Variants in RBM24 observed in about 807,000 individuals in gnomAD.
RBM24 encodes RNA binding motif protein 24, also known as RNA-binding protein 24.
In RBM24, 5 loss-of-function variants were observed where a neutral mutation model predicts 23.6. The ratio of observed to expected loss-of-function variants is 0.21; its 90% confidence interval spans 0.11 to 0.45. The LOEUF (loss-of-function observed/expected upper bound fraction) is 0.45. Ranked by LOEUF, RBM24 falls within the 20% of genes least tolerant of loss-of-function variation. RBM24 has a pLI of 0.99. For synonymous variants in RBM24, 151 were observed against 129.5 expected (o/e 1.17, Z -1.13); for missense variants, 252 against 314.6 (o/e 0.80, Z 1.51).
At chr6:17,282,953 C>G (rs199630612) in intron 2 of RBM24, 25 bp downstream of exon 2, 52 of 1,554,346 alleles carry the variant, frequency 3.3e-5, no homozygotes, top group Non-Finnish European at 4.3e-5. Flanking sequence ...TCTCCCCTAC[C>G]CCCCTCTCCA....
In RBM24 at chr6:17,281,511, G is replaced by A. The variant is rs1760011615; in HGVS notation, c.-71G>A. On this transcript the variant is annotated 5_prime_UTR_variant, in exon 1 of 4. Transcript: ENST00000379052. This position sits in a 1 kb window ranked among gnomAD's most constrained non-coding sequence, Gnocchi z 7.1. ...GAAAGGGTGCGGGAGACGCGGAGCC[G>A]GAGGAGGAGGCGCAGCCGCTGCCCG... 10 of 1,374,246 alleles carry A rather than the reference G, an allele frequency of 7.3e-6. 1 individual carries two copies. The South Asian group carries it at 1.3e-4, about 18-fold the overall frequency. The allele number at this position is 1,374,246 out of a possible 1,614,324, so 85.1% of individuals were successfully genotyped here.
At chr6:17,284,517 AT>A (rs537418287) in intron 2 of RBM24, 139 bp from the exon 3 acceptor site, 88 of 533,034 alleles carry the variant, frequency 1.7e-4, no homozygotes, top group African/African-American at 1.6e-3. Flanking sequence ...ACTTTAAAAA[AT>A]ATACATACAT....
intron 1 of RBM24, chr6:17,282,319 C>G (rs1469273617): frequency 2.6e-6 from 3 of 1,163,572 alleles, no homozygotes; most frequent in South Asian, 2.5e-5. Context: ...ATTCAGCTGC[C>G]GAAGAGCAGG....
intron 3 of RBM24, chr6:17,288,241 C>T (rs1760254172): frequency 1.0e-6 from 1 of 985,270 alleles, no homozygotes; most frequent in South Asian, 4.7e-5. Context: ...AGACAAAACT[C>T]TATTCTCTCA....
intron 3 of RBM24, chr6:17,288,993 G>A (rs1363694970): frequency 2.0e-6 from 2 of 985,312 alleles, no homozygotes; most frequent in Non-Finnish European, 2.4e-6. Context: ...AACCAGTTAG[G>A]ATGTTGCTTT....
chr6:17,292,007 C>T lies in RBM24; in HGVS notation c.599C>T (p.Pro200Leu). 2 of 1,605,794 alleles carry T rather than the reference C, an allele frequency of 1.2e-6. No individual in the cohort carries two copies. The highest frequency in any genetic ancestry group is 1.7e-6 in the Non-Finnish European group (2 of 1,179,050). The change falls in exon 4 of 4, where the codon CCA becomes CTA. Residue 200 changes from proline to leucine, a missense_variant. Physicochemically the swap from Pro to Leu is moderately conservative, Grantham distance 98. Coordinates refer to ENST00000379052, the MANE Select transcript of RBM24 (RefSeq NM_001143942.2). Reference sequence around the variant, plus strand: ...GGCTATGGCTACGCAGTCCAGCAGCCAATCACCGCAGCGGCACCTGGGACA... The same window carrying T: ...GGCTATGGCTACGCAGTCCAGCAGCTAATCACCGCAGCGGCACCTGGGACA... Reference protein sequence around the residue: ...AGGYGYAVQQPITAAAPGTAA... With the variant: ...AGGYGYAVQQLITAAAPGTAA...
intron 3 of RBM24, chr6:17,290,741 C>A: frequency 1.4e-6 from 1 of 716,870 alleles, no homozygotes; most frequent in South Asian, 1.6e-5. Flanking sequence ...GTTATGTAAA[C>A]CTTTTAAATT....
rs768843893 is a variant in RBM24, at chr6:17,291,909, C to T, written c.501C>T (p.Ala167=). The T allele has an allele frequency of 2.1e-5, 34 of 1,612,096 alleles. No homozygotes were observed. The East Asian group carries it at 6.2e-4, about 30-fold the overall frequency. ...YAQYSAAAAA[A]AAAAAYDQYP... ...AATACTCAGCAGCTGCTGCTGCTGC[C>T]GCCGCCGCTGCTGCCTATGACCAGT... is the stretch of plus-strand genomic sequence containing the variant. Residue 167 remains alanine (A), a synonymous_variant, in exon 4 of 4, where the codon GCC becomes GCT. Transcript: ENST00000379052.
At chr6:17,287,784 G>C (rs1351182098) in intron 3 of RBM24, among the ~76,000 whole-genome samples, 1 of 151,918 alleles carries the variant, frequency 6.6e-6, no homozygotes, top group Non-Finnish European at 1.5e-5. Flanking sequence ...ACTCCAGCCT[G>C]GGCGACAGAG....
At chr6:17,290,903 A>T (rs949638340) in intron 3 of RBM24, 6 of 1,287,012 alleles carry the variant, frequency 4.7e-6, no homozygotes, top group African/African-American at 1.5e-5. Flanking sequence ...GGTTTGGTTG[A>T]CCGTTGTGTC....
chr6:17,287,648 A>C (rs1216394553), intron 3 of RBM24, among the ~76,000 whole-genome samples: 1 of 152,026 alleles, frequency 6.6e-6, no homozygotes, highest in Non-Finnish European at 1.5e-5. Context: ...ATCTCTAATA[A>C]AAATACAAAA....
At position 17,292,143 on chromosome 6, in the gene RBM24, A is replaced by G. The variant is rs1220318683; in HGVS notation, c.*24A>G. 9 of 1,469,508 alleles carry G rather than the reference A, an allele frequency of 6.1e-6. No homozygotes were observed. The highest frequency in any genetic ancestry group is 8.1e-6 in the Non-Finnish European group (9 of 1,112,426). 91.0% of individuals were successfully genotyped at this position (1,469,508 alleles called of 1,614,324 possible). On this transcript the variant is annotated 3_prime_UTR_variant, in exon 4 of 4. Coordinates refer to ENST00000379052, the MANE Select transcript of RBM24 (RefSeq NM_001143942.2). Reference sequence around the variant, plus strand: ...AGACCAGCCATCTGATCAAAGTTGAATTGTTTTCTCTTTCCCTCCCAATTT... The same window carrying G: ...AGACCAGCCATCTGATCAAAGTTGAGTTGTTTTCTCTTTCCCTCCCAATTT...
In RBM24 at chr6:17,281,477, G is replaced by A; in HGVS notation, c.-105G>A. ...GCCCCCGGGCTCGCCCTTGGCCCCC[G>A]GCGGCCGCGAAAGGGTGCGGGAGAC... On this transcript the variant is annotated 5_prime_UTR_variant, in exon 1 of 4. Transcript: ENST00000379052. The surrounding 1 kb of genome is among the most constrained non-coding windows in gnomAD (Gnocchi z 7.1). The A allele has an allele frequency of 1.9e-6, 2 of 1,067,022 alleles. No individual in the cohort carries two copies. Among genetic ancestry groups the A allele is most frequent in the East Asian group, 4.9e-5 (1 of 20,278 alleles). 66.1% of individuals were successfully genotyped at this position (1,067,022 alleles called of 1,614,324 possible).
At chr6:17,288,965 A>AT (rs1760275984) in intron 3 of RBM24, 1 of 985,332 alleles carries the variant, frequency 1.0e-6, no homozygotes, top group Admixed American at 6.1e-5. Flanking sequence ...AAAGAAACCG[A>AT]TTAGGATATT....
At position 17,284,646 on chromosome 6, in the gene RBM24, TTTG is replaced by T; in HGVS notation, c.293-5_293-3del. 1 of 1,608,848 alleles carries T rather than the reference TTTG, an allele frequency of 6.2e-7. No individual in the cohort carries two copies. Among genetic ancestry groups the T allele is most frequent in the Non-Finnish European group, 8.5e-7 (1 of 1,176,600 alleles). On this transcript the variant is annotated splice_polypyrimidine_tract_variant and splice_region_variant and intron_variant, in intron 2 of 3. Coordinates refer to ENST00000379052, the MANE Select transcript of RBM24 (RefSeq NM_001143942.2). The stretch of plus-strand genomic sequence containing the variant: ...TGCACAAATAAAGAATGTGGTATAT[TTTG>T]TTGTTAGGTTTTGCCTTTGGTGTTC...
At position 17,281,589 on chromosome 6, in the gene RBM24, C is replaced by A; in HGVS notation, c.8C>A (p.Thr3Lys). The A allele has an allele frequency of 1.3e-6, 2 of 1,518,368 alleles. No individual in the cohort carries two copies. Among genetic ancestry groups the A allele is most frequent in the African/African-American group, 1.4e-5 (1 of 70,326 alleles). The allele number at this position is 1,518,368 out of a possible 1,614,324, so 94.1% of individuals were successfully genotyped here. A position where few individuals can be genotyped will look rare whatever the true frequency, so the allele number is the denominator to read the frequency against. The change falls in exon 1 of 4, where the codon ACG (threonine) becomes AAG (lysine). Residue 3 changes from threonine (T) to lysine (K), a missense_variant. Physicochemically the swap from Thr to Lys is moderately conservative, Grantham distance 78 (BLOSUM62 -1). Coordinates refer to ENST00000379052, the MANE Select transcript of RBM24 (RefSeq NM_001143942.2). The surrounding 1 kb of genome is among the most constrained non-coding windows in gnomAD (Gnocchi z 7.1). The part of the protein sequence containing the change: MH[T>K]TQKDTTYTKI... The stretch of plus-strand genomic sequence containing the variant: ...CGCGGGGCGGGTGCGAAGATGCACA[C>A]GACCCAGAAGGACACGACGTACACC...
At chr6:17,282,241 T>C (rs569524497) in intron 1 of RBM24, 1 of 1,290,770 alleles carries the variant, frequency 7.7e-7, no homozygotes, top group Admixed American at 2.3e-5. Context: ...TAAATCATGA[T>C]CCTAGGGCTC....
In RBM24 at chr6:17,293,527, G is replaced by A. The variant is rs1394077676; in HGVS notation, c.*1408G>A. ...TTGCCTGTGTAGATTTCATTTATTGGTAATTCATTAGTTTAACACTATTAT... is the reference window on the plus strand; with the variant it reads ...TTGCCTGTGTAGATTTCATTTATTGATAATTCATTAGTTTAACACTATTAT... On this transcript the variant is annotated 3_prime_UTR_variant, in exon 4 of 4. Transcript: ENST00000379052. 6.6e-6 allele frequency: 1 copy of A among 151,516 alleles called. No individual in the cohort carries two copies. 9.4% of individuals were successfully genotyped at this position (151,516 alleles called of 1,614,324 possible). A position where few individuals can be genotyped will look rare whatever the true frequency, so the allele number is the denominator to read the frequency against.
At position 17,292,146 on chromosome 6, in the gene RBM24, G is replaced by T; in HGVS notation, c.*27G>T. The T allele has an allele frequency of 1.4e-6, 2 of 1,456,770 alleles. No homozygotes were observed. The allele number at this position is 1,456,770 out of a possible 1,614,324, so 90.2% of individuals were successfully genotyped here. ...CCAGCCATCTGATCAAAGTTGAATT[G>T]TTTTCTCTTTCCCTCCCAATTTTCC... On this transcript the variant is annotated 3_prime_UTR_variant, in exon 4 of 4. Transcript: ENST00000379052.
Sources: allele counts gnomAD v4.1 joint callset (sites outside exome capture counted in the v4.1 genomes callset), GRCh38; gene constraint gnomAD v4.1.1; non-coding constraint Gnocchi (gnomAD v3.1); transcripts MANE v1.5; gene names NCBI Gene and HGNC (gene_info 2026-07-23, HGNC 2026-07-21).